Variants in CADM2 observed in about 807,000 individuals in gnomAD.
CADM2 encodes the protein cell adhesion molecule 2, also known as immunoglobulin superfamily member 4D.
A neutral mutation model predicts 49.8 loss-of-function variants in CADM2; 12 were observed. That is an observed-to-expected ratio of 0.24 (90% confidence interval 0.15 to 0.39). The LOEUF (loss-of-function observed/expected upper bound fraction) is 0.39. CADM2 is among the 10% of genes least tolerant of loss of function. The pLI is 1.00. For synonymous variants in CADM2, 214 were observed against 175.4 expected, an observed-to-expected ratio of 1.22 and a Z score of -1.74; for missense variants, 378 against 492.3, an observed-to-expected ratio of 0.77 and a Z score of 2.20.
At chr3:85,788,269 A>G (rs2071117052) in intron 2 of CADM2, among the ~76,000 whole-genome samples, 1 of 152,142 alleles carries the variant, frequency 6.6e-6, no homozygotes, top group South Asian at 2.1e-4. Flanking sequence ...ACATTGTTAT[A>G]TTTATAGTTC....
At chr3:84,980,648 G>A (rs571441561) in intron 1 of CADM2, among the ~76,000 whole-genome samples, 11 of 152,298 alleles carry the variant, frequency 7.2e-5, no homozygotes, top group South Asian at 4.1e-4. Flanking sequence ...AGCTAAGATG[G>A]TGTGATTTTG....
intron 1 of CADM2, among the ~76,000 whole-genome samples, chr3:85,585,186 A>G (rs1432034806): frequency 1.3e-5 from 2 of 152,030 alleles, no homozygotes; most frequent in Admixed American, 6.6e-5. Flanking sequence ...CCACCTGGCC[A>G]TAAGTCACTC....
In CADM2 at chr3:85,606,978, G is replaced by A. The variant is rs896319769; in HGVS notation, c.62-119544G>A. 6.6e-5 allele frequency among the ~76,000 whole-genome samples: 10 copies of A among 152,166 alleles called. No homozygotes were observed. The East Asian group carries it at 1.4e-3, about 21-fold the overall frequency. On this transcript the variant is annotated intron_variant, in intron 1 of 9. Transcript: ENST00000383699. Reference sequence around the variant, plus strand: ...AGATAAGAGATGGAGAAGTCAATTAGAAGAAGATACCATTATTGACATTGT... The same window carrying A: ...AGATAAGAGATGGAGAAGTCAATTAAAAGAAGATACCATTATTGACATTGT...
intron 8 of CADM2, among the ~76,000 whole-genome samples, chr3:85,982,893 T>A (rs954168162): frequency 1.1e-4 from 16 of 151,724 alleles, no homozygotes; most frequent in African/African-American, 3.9e-4. Context: ...GGTTTACTTA[T>A]TTCATTCCTT....
intron 2 of CADM2, among the ~76,000 whole-genome samples, chr3:85,762,321 A>T (rs139015819): frequency 2.0e-5 from 3 of 152,044 alleles, no homozygotes; most frequent in African/African-American, 4.8e-5. Context: ...CATAACTCCC[A>T]GTTTGTTTGT....
chr3:85,578,746 A>G (rs1038923933), intron 1 of CADM2, among the ~76,000 whole-genome samples: 3 of 152,210 alleles, frequency 2.0e-5, no homozygotes, highest in Non-Finnish European at 4.4e-5. Flanking sequence ...ATTAAATCAG[A>G]TTAGATATTC....
chr3:85,712,868 T>C (rs2107741438), intron 1 of CADM2, among the ~76,000 whole-genome samples: 1 of 152,280 alleles, frequency 6.6e-6, no homozygotes, highest in African/African-American at 2.4e-5. Context: ...AAATAAAATA[T>C]CTTATGTCCC....
At chr3:86,056,876 A>T (rs1738055504) in intron 8 of CADM2, among the ~76,000 whole-genome samples, 1 of 152,224 alleles carries the variant, frequency 6.6e-6, no homozygotes, top group Non-Finnish European at 1.5e-5. Context: ...TTCATGGGAA[A>T]ATAAATTTGT....
At chr3:85,332,476 G>A (rs1279369387) in intron 1 of CADM2, among the ~76,000 whole-genome samples, 1 of 151,900 alleles carries the variant, frequency 6.6e-6, no homozygotes, top group Non-Finnish European at 1.5e-5. Context: ...CCTTCCTGGG[G>A]GCTTTGTAGG....
intron 1 of CADM2, among the ~76,000 whole-genome samples, chr3:85,622,858 C>A (rs1184811346): frequency 1.3e-5 from 2 of 152,056 alleles, no homozygotes; most frequent in Non-Finnish European, 2.9e-5. Flanking sequence ...CATGAAGTGT[C>A]TGCAAATTTT....
rs2108378416 is a variant in CADM2 at position 85,879,387 on chromosome 3, A to C, written c.239-3904A>C. ...GCAATTAGAGTTCACAAAGAATGAC[A>C]GCAAAGGGGATACAATCATTTAGGT... On this transcript the variant is annotated intron_variant, in intron 3 of 9. Transcript: ENST00000383699. Among the ~76,000 whole-genome samples, 3 of 152,312 alleles carry C rather than the reference A, an allele frequency of 2.0e-5. 1 individual carries two copies. In the South Asian group the frequency reaches 6.2e-4, roughly 32 times the overall value.
intron 8 of CADM2, among the ~76,000 whole-genome samples, chr3:85,970,861 T>C (rs1726038469): frequency 6.6e-6 from 1 of 151,414 alleles, no homozygotes; most frequent in Admixed American, 6.6e-5. Flanking sequence ...ACCTAAAACA[T>C]ATTTCGGGTA....
intron 3 of CADM2, 92 bp downstream of exon 3, chr3:85,802,288 T>G: frequency 9.0e-7 from 1 of 1,114,364 alleles, no homozygotes; most frequent in Non-Finnish European, 1.2e-6. Flanking sequence ...AAACTATTCC[T>G]TTTGATTACC....
chr3:86,023,352 TTTTG>T (rs766908920), intron 8 of CADM2, among the ~76,000 whole-genome samples: 3,564 of 145,476 alleles, frequency 0.024, 132 homozygotes, highest in Admixed American at 0.091. Flanking sequence ...GAATGAGGTT[TTTTG>T]TTTGTTTGTT....
At chr3:85,401,466 C>T (rs1428754413) in intron 1 of CADM2, among the ~76,000 whole-genome samples, 1 of 152,056 alleles carries the variant, frequency 6.6e-6, no homozygotes, top group Non-Finnish European at 1.5e-5. Context: ...CCAGCGGAAA[C>T]TTGGTTGGCA....
At chr3:85,977,073 T>C (rs1726878041) in intron 8 of CADM2, among the ~76,000 whole-genome samples, 1 of 151,090 alleles carries the variant, frequency 6.6e-6, no homozygotes. Flanking sequence ...CTGCCTATAT[T>C]GGTTGACGTG....
intron 1 of CADM2, among the ~76,000 whole-genome samples, chr3:85,306,931 C>T (rs2044226226): frequency 6.6e-6 from 1 of 151,318 alleles, no homozygotes. Context: ...CATCAACATC[C>T]CTTATGGCCT....
At chr3:85,552,576 T>G (rs2061839454) in intron 1 of CADM2, among the ~76,000 whole-genome samples, 1 of 151,808 alleles carries the variant, frequency 6.6e-6, no homozygotes, top group African/African-American at 2.4e-5. Context: ...GAGACGGGTT[T>G]TCACCGTGTT....
At chr3:85,890,508 T>G (rs73843506) in intron 5 of CADM2, among the ~76,000 whole-genome samples, 8,183 of 152,130 alleles carry the variant, frequency 0.054, 625 homozygotes, top group African/African-American at 0.17. Flanking sequence ...TTTACAGAAC[T>G]ATGTTTTAGG....
Sources: allele counts gnomAD v4.1 joint callset (sites outside exome capture counted in the v4.1 genomes callset), GRCh38; gene constraint gnomAD v4.1.1; transcripts MANE v1.5; gene names NCBI Gene and HGNC (gene_info 2026-07-23, HGNC 2026-07-21).